The following DDX10 variants were observed in gnomAD, a reference collection of about 807,000 sequenced individuals.
DDX10 encodes probable ATP-dependent RNA helicase DDX10.
In DDX10, 74 loss-of-function variants were observed where a neutral mutation model predicts 104.3. The observed-to-expected ratio is 0.71, with a 90% CI of 0.59 to 0.86. The LOEUF is 0.86. Among genes scored for constraint, DDX10 ranks in the 40% least tolerant of loss-of-function variants. The pLI, the probability that DDX10 is intolerant of heterozygous loss-of-function variation, is 0.00. For synonymous variants in DDX10, 351 were observed against 353.4 expected (o/e 0.99, Z 0.08); for missense variants, 952 against 1,040.0 (o/e 0.92, Z 1.16).
At chr11:108,795,847 G>A (rs533097883) in intron 13 of DDX10, among the ~76,000 whole-genome samples, 1 of 152,126 alleles carries the variant, frequency 6.6e-6, no homozygotes, top group South Asian at 2.1e-4. Context: ...TAATCCTTTG[G>A]GTATATACCC....
At chr11:108,896,127 A>C (rs779120951) in intron 16 of DDX10, among the ~76,000 whole-genome samples, 4 of 152,174 alleles carry the variant, frequency 2.6e-5, no homozygotes, top group Non-Finnish European at 4.4e-5. Context: ...TATCCATCTT[A>C]GATCATAGGC....
At chr11:108,843,718 T>C (rs1445210341) in intron 15 of DDX10, among the ~76,000 whole-genome samples, 5 of 150,982 alleles carry the variant, frequency 3.3e-5, no homozygotes, top group Admixed American at 2.0e-4. Flanking sequence ...GTCGTGCCAC[T>C]GCACTCCAGC....
At chr11:108,727,269 G>A (rs1441840552) in intron 13 of DDX10, among the ~76,000 whole-genome samples, 1 of 151,872 alleles carries the variant, frequency 6.6e-6, no homozygotes, top group East Asian at 1.9e-4. Flanking sequence ...ATTCCAATAT[G>A]AATATTAATA....
intron 13 of DDX10, among the ~76,000 whole-genome samples, chr11:108,811,027 A>G (rs192127223): frequency 6.6e-6 from 1 of 151,934 alleles, no homozygotes; most frequent in Non-Finnish European, 1.5e-5. Flanking sequence ...TCCAAGGGAG[A>G]TGTTTGTTTT....
At chr11:108,732,365 T>A (rs1190922264) in intron 13 of DDX10, among the ~76,000 whole-genome samples, 1 of 152,230 alleles carries the variant, frequency 6.6e-6, no homozygotes, top group Non-Finnish European at 1.5e-5. Flanking sequence ...CTTTCTCTGC[T>A]GTCGTGCCTA....
intron 17 of DDX10, among the ~76,000 whole-genome samples, chr11:108,936,724 G>A (rs913989689): frequency 2.0e-5 from 3 of 152,044 alleles, no homozygotes; most frequent in African/African-American, 7.2e-5. Flanking sequence ...TGGACTTTGG[G>A]ATTTCTAACT....
intron 13 of DDX10, among the ~76,000 whole-genome samples, chr11:108,757,360 C>T (rs888962568): frequency 5.9e-5 from 9 of 152,098 alleles, no homozygotes; most frequent in Middle Eastern, 3.4e-3. Flanking sequence ...AATTATCCAG[C>T]TAAAAATATT....
intron 15 of DDX10, among the ~76,000 whole-genome samples, chr11:108,846,820 A>AACCAGACCAGACCAG (rs71476032): frequency 0.042 from 6,371 of 149,948 alleles, 158 homozygotes; most frequent in South Asian, 0.087. Flanking sequence ...TTAGAGTACA[A>AACCAGACCAGACCAG]ACCAGACCAG....
rs200433596 is a variant in DDX10 at position 108,688,923 on chromosome 11, G to A, written c.849-13G>A. 442 of 1,605,524 alleles carry A rather than the reference G, an allele frequency of 2.8e-4. 2 individuals are homozygous for A. The South Asian group carries it at 3.9e-3, about 14-fold the overall frequency. On this transcript the variant is annotated splice_polypyrimidine_tract_variant and intron_variant, in intron 6 of 17. Coordinates refer to ENST00000322536, the MANE Select transcript of DDX10 (RefSeq NM_004398.4). Reference sequence around the variant, plus strand: ...ACATATTCTAATGTTTTTCTTTTCCGTAATTCCACAAGCACCCCTGCCACT... The same window carrying A: ...ACATATTCTAATGTTTTTCTTTTCCATAATTCCACAAGCACCCCTGCCACT...
rs1308631802 is a variant in DDX10, at chr11:108,760,667, A to G, written c.1965+37205A>G. 4.0e-5 allele frequency among the ~76,000 whole-genome samples: 6 copies of G among 150,896 alleles called. No individual in the cohort carries two copies. In the South Asian group the frequency reaches 1.3e-3, roughly 32 times the overall value. ...TAATGTGTTTTTATTCATGTACAAC[A>G]TAACACTGTTTTTTTTTTTTTTTTT... On this transcript the variant is annotated intron_variant, in intron 13 of 17. Transcript: ENST00000322536.
intron 10 of DDX10, among the ~76,000 whole-genome samples, chr11:108,713,399 A>G (rs562020377): frequency 1.2e-4 from 18 of 152,244 alleles, no homozygotes; most frequent in African/African-American, 3.6e-4. Context: ...GGAAGTTTTT[A>G]TCAAGTTCAG....
intron 13 of DDX10, among the ~76,000 whole-genome samples, chr11:108,806,789 G>T (rs576287064): frequency 1.3e-5 from 2 of 152,220 alleles, no homozygotes; most frequent in African/African-American, 2.4e-5. Flanking sequence ...CTAAATAGAG[G>T]GGGGACTGTG....
chr11:108,699,887 C>G (rs1725119010), intron 9 of DDX10, among the ~76,000 whole-genome samples: 1 of 152,194 alleles, frequency 6.6e-6, no homozygotes, highest in African/African-American at 2.4e-5. Context: ...AGGGCATGCT[C>G]TGGCCCAGGT....
At chr11:108,845,375 A>G (rs1200342004) in intron 15 of DDX10, among the ~76,000 whole-genome samples, 2 of 152,098 alleles carry the variant, frequency 1.3e-5, no homozygotes, top group Non-Finnish European at 2.9e-5. Flanking sequence ...TTGAAGTCAC[A>G]TTTTTTTCCT....
chr11:108,914,397 A>G (rs1408212948), intron 16 of DDX10, among the ~76,000 whole-genome samples: 1 of 152,178 alleles, frequency 6.6e-6, no homozygotes, highest in Non-Finnish European at 1.5e-5. Flanking sequence ...CAGAGAGGGT[A>G]AGCCTACCTC....
At chr11:108,706,953 CT>C in intron 10 of DDX10, 116 bp downstream of exon 10, 1 of 821,842 alleles carries the variant, frequency 1.2e-6, no homozygotes, top group South Asian at 1.6e-5. Flanking sequence ...CCTGGTTTGA[CT>C]TTTATAAAAA....
intron 13 of DDX10, among the ~76,000 whole-genome samples, chr11:108,750,445 C>G (rs529601931): frequency 1.1e-4 from 17 of 152,274 alleles, no homozygotes; most frequent in African/African-American, 4.1e-4. Context: ...TTGAACTACT[C>G]ACACAATTAT....
At chr11:108,762,309 T>C (rs1249940067) in intron 13 of DDX10, among the ~76,000 whole-genome samples, 1 of 152,218 alleles carries the variant, frequency 6.6e-6, no homozygotes, top group Non-Finnish European at 1.5e-5. Context: ...TTGGAGTTAC[T>C]TTCCCACTTA....
At chr11:108,738,410 A>G (rs2094320912) in intron 13 of DDX10, among the ~76,000 whole-genome samples, 1 of 152,036 alleles carries the variant, frequency 6.6e-6, no homozygotes, top group African/African-American at 2.4e-5. Context: ...AATAGCTTGA[A>G]TAAACTATTG....
Sources: allele counts gnomAD v4.1 joint callset (sites outside exome capture counted in the v4.1 genomes callset), GRCh38; gene constraint gnomAD v4.1.1; transcripts MANE v1.5; gene names NCBI Gene and HGNC (gene_info 2026-07-23, HGNC 2026-07-21).